KCNK12: variants seen among roughly 807,000 people sequenced by gnomAD.
KCNK12 encodes potassium two pore domain channel subfamily K member 12, also known as potassium channel subfamily K member 12.
KCNK12 carries 6 observed loss-of-function variants against 25.3 expected under a neutral mutation model. That is an observed-to-expected ratio of 0.24 (90% CI 0.13 to 0.47). KCNK12 has a LOEUF of 0.47. Among genes scored for constraint, KCNK12 ranks in the 20% least tolerant of loss-of-function variants. KCNK12 has a pLI of 0.99. For missense variants in KCNK12, 444 were observed against 661.7 expected, an observed-to-expected ratio of 0.67 and a Z score of 3.61; for synonymous variants, 331 against 311.1, an observed-to-expected ratio of 1.06 and a Z score of -0.67.
chr2:47,520,759 G>A lies in KCNK12; in HGVS notation c.*148C>T, dbSNP rs896728426. ...ACCTGCCCTTGATAACATCAGGCCT[G>A]GCCAAATAGTATTTCTTTAAAAAAA... On this transcript the variant is annotated 3_prime_UTR_variant, in exon 2 of 2. Transcript: ENST00000327876. This position sits in a 1 kb window ranked among gnomAD's most constrained non-coding sequence, Gnocchi z 5.0. 5 of 513,710 alleles carry A rather than the reference G, an allele frequency of 9.7e-6. No individual in the cohort carries two copies. The East Asian group carries it at 1.4e-4, about 14-fold the overall frequency. 31.8% of individuals were successfully genotyped at this position (513,710 alleles called of 1,614,324 possible). A position where few individuals can be genotyped will look rare whatever the true frequency, so the allele number is the denominator to read the frequency against.
At position 47,541,614 on chromosome 2, in the gene KCNK12, A is replaced by T. The variant is rs191757042; in HGVS notation, c.392-19806T>A. 5.3e-5 allele frequency among the ~76,000 whole-genome samples: 8 copies of T among 152,300 alleles called. No individual in the cohort carries two copies. The East Asian group carries it at 1.5e-3, about 29-fold the overall frequency. ...CCTCAGAATGTTACTGCATTGGTAG[A>T]AAGGCTTTTTAAAAAAGGGAATCAA... On this transcript the variant is annotated intron_variant, in intron 1 of 1. Transcript: ENST00000327876.
Position 47,514,930 on chromosome 2 carries a change from T to C in KCNK12, c.*5977A>G, listed in dbSNP as rs1442032720. ...CCCAGCTAAAAGTTCCTTTTTAAAATCTGCTTGTTAGATACACTCATAGAA... is the reference window on the plus strand; with the variant it reads ...CCCAGCTAAAAGTTCCTTTTTAAAACCTGCTTGTTAGATACACTCATAGAA... On this transcript the variant is annotated 3_prime_UTR_variant, in exon 2 of 2. Transcript: ENST00000327876. The surrounding 1 kb of genome is among the most constrained non-coding windows in gnomAD (Gnocchi z 5.0). Among the ~76,000 whole-genome samples, 3 of 152,190 alleles carry C rather than the reference T, an allele frequency of 2.0e-5. No homozygotes were observed. Among genetic ancestry groups the C allele is most frequent in the African/African-American group, 7.2e-5 (3 of 41,450 alleles).
At position 47,533,824 on chromosome 2, in the gene KCNK12, CCT is replaced by C. The variant is rs1021118523; in HGVS notation, c.392-12018_392-12017del. Reference sequence around the variant, plus strand: ...ATTTGCAGAGCTGGATGGACTGCTCCCTGAGGACAGAAGCTCTTGGTTTTCTT... The same window carrying C: ...ATTTGCAGAGCTGGATGGACTGCTCCGAGGACAGAAGCTCTTGGTTTTCTT... On this transcript the variant is annotated intron_variant, in intron 1 of 1. Transcript: ENST00000327876. The surrounding 1 kb of genome is among the most constrained non-coding windows in gnomAD (Gnocchi z 4.7). 7.1e-4 allele frequency among the ~76,000 whole-genome samples: 108 copies of C among 152,234 alleles called. No homozygotes were observed. Among genetic ancestry groups the C allele is most frequent in the African/African-American group, 2.5e-3 (105 of 41,528 alleles).
rs552999864 is a variant in KCNK12, at chr2:47,513,847, C to T, written c.*7060G>A. The stretch of plus-strand genomic sequence containing the variant: ...CATTGATTCTGTGGACCTACTCTTT[C>T]GGGTGTCCCTCAAATCTCTCCACGT... On this transcript the variant is annotated 3_prime_UTR_variant, in exon 2 of 2. Transcript: ENST00000327876. 5.9e-5 allele frequency among the ~76,000 whole-genome samples: 9 copies of T among 152,168 alleles called. No individual in the cohort carries two copies. The highest frequency in any genetic ancestry group is 3.9e-4 in the East Asian group (2 of 5,172).
chr2:47,552,969 CT>C (rs1403883776), intron 1 of KCNK12, among the ~76,000 whole-genome samples: 2 of 152,118 alleles, frequency 1.3e-5, no homozygotes, highest in Non-Finnish European at 2.9e-5. Context: ...TCTCTTACCC[CT>C]TTTCTTTTGC....
chr2:47,532,639 T>G (rs1303960461), intron 1 of KCNK12, among the ~76,000 whole-genome samples: 1 of 152,120 alleles, frequency 6.6e-6, no homozygotes, highest in African/African-American at 2.4e-5. Context: ...AGTCAAGGCG[T>G]TCCATCTGGT....
In KCNK12 at chr2:47,512,369, G is replaced by A. The variant is rs1019838095; in HGVS notation, c.*8538C>T. On this transcript the variant is annotated 3_prime_UTR_variant, in exon 2 of 2. Coordinates refer to ENST00000327876, the MANE Select transcript of KCNK12 (RefSeq NM_022055.2). ...GCTGACATGGAAAAGGAAACTTCGT[G>A]GGGGAAAGAGATCTGCTTGCAGTCG... The A allele has an allele frequency of 1.5e-5, 24 of 1,612,038 alleles. No homozygotes were observed. Among genetic ancestry groups the A allele is most frequent in the Non-Finnish European group, 1.8e-5 (21 of 1,179,626 alleles).
rs905150986 is a variant in KCNK12, at chr2:47,533,508, G to C, written c.392-11700C>G. On this transcript the variant is annotated intron_variant, in intron 1 of 1. Transcript: ENST00000327876. The surrounding 1 kb of genome is among the most constrained non-coding windows in gnomAD (Gnocchi z 4.7). ...GCAAGGAATGGGCAAATCACGACATGACATATGGATTTCCATGGCAGGGAA... is the reference window on the plus strand; with the variant it reads ...GCAAGGAATGGGCAAATCACGACATCACATATGGATTTCCATGGCAGGGAA... Among the ~76,000 whole-genome samples the C allele has an allele frequency of 6.6e-6, 1 of 152,198 alleles. No homozygotes were observed. The highest frequency in any genetic ancestry group is 1.5e-5 in the Non-Finnish European group (1 of 68,030).
At chr2:47,530,296 C>T (rs1040490961) in intron 1 of KCNK12, among the ~76,000 whole-genome samples, 2 of 152,112 alleles carry the variant, frequency 1.3e-5, no homozygotes, top group African/African-American at 2.4e-5. Context: ...GGCTTCTGGC[C>T]AGACTCAGTG....
At chr2:47,568,362 T>C (rs1669823667) in intron 1 of KCNK12, among the ~76,000 whole-genome samples, 2 of 151,846 alleles carry the variant, frequency 1.3e-5, no homozygotes, top group Non-Finnish European at 2.9e-5. Context: ...TAAAAGGGGA[T>C]TTTTTTTGAG....
rs1669114264 is a variant in KCNK12, at chr2:47,538,076, T to C, written c.392-16268A>G. 6.6e-6 allele frequency among the ~76,000 whole-genome samples: 1 copy of C among 151,848 alleles called. No homozygotes were observed. The highest frequency in any genetic ancestry group is 1.5e-5 in the Non-Finnish European group (1 of 67,960). On this transcript the variant is annotated intron_variant, in intron 1 of 1. Coordinates refer to ENST00000327876, the MANE Select transcript of KCNK12 (RefSeq NM_022055.2). The surrounding 1 kb of genome is among the most constrained non-coding windows in gnomAD (Gnocchi z 4.5). ...CAGTATCTAAAGGGCAGAAGAGGAG[T>C]CTATGAAGGAGACCACATTCATTCA...
In KCNK12 at chr2:47,521,315, G is replaced by A; in HGVS notation, c.885C>T (p.Phe295=). ...LLGVCCIYSL[F]NVISILIKQV... is the part of the protein sequence containing the mutation. Reference sequence around the variant, plus strand: ...GCTTGATGAGGATGGAGATGACGTTGAAGAGCGAGTAAATGCAGCACACGC... The same window carrying A: ...GCTTGATGAGGATGGAGATGACGTTAAAGAGCGAGTAAATGCAGCACACGC... The change falls in exon 2 of 2, where the codon TTC becomes TTT. Residue 295 remains phenylalanine (F), a synonymous_variant. Coordinates refer to ENST00000327876, the MANE Select transcript of KCNK12 (RefSeq NM_022055.2). 1.2e-6 allele frequency: 2 copies of A among 1,613,444 alleles called. No individual in the cohort carries two copies. Among genetic ancestry groups the A allele is most frequent in the South Asian group, 1.1e-5 (1 of 90,914 alleles).
chr2:47,512,156 C>T lies in KCNK12; in HGVS notation c.*8751G>A. 1.0e-6 allele frequency: 1 copy of T among 966,790 alleles called. No individual in the cohort carries two copies. Among genetic ancestry groups the T allele is most frequent in the South Asian group, 1.8e-5 (1 of 56,734 alleles). The allele number at this position is 966,790 out of a possible 1,614,324, so 59.9% of individuals were successfully genotyped here. On this transcript the variant is annotated 3_prime_UTR_variant, in exon 2 of 2. Transcript: ENST00000327876. ...TCCATCCTGCATCCAGATGGCTGGTCCTGCTCCTCCCAGTCCATGGAGAAA... is the reference window on the plus strand; with the variant it reads ...TCCATCCTGCATCCAGATGGCTGGTTCTGCTCCTCCCAGTCCATGGAGAAA...
In KCNK12 at chr2:47,511,739, C is replaced by T. The variant is rs1336356701; in HGVS notation, c.*9168G>A. Reference sequence around the variant, plus strand: ...TTTACTTCTGCCCCTTAAGGATGCCCTGGAATTCAGGCTTTCGGATCCCAG... The same window carrying T: ...TTTACTTCTGCCCCTTAAGGATGCCTTGGAATTCAGGCTTTCGGATCCCAG... On this transcript the variant is annotated 3_prime_UTR_variant, in exon 2 of 2. Coordinates refer to ENST00000327876, the MANE Select transcript of KCNK12 (RefSeq NM_022055.2). This position sits in a 1 kb window ranked among gnomAD's most constrained non-coding sequence, Gnocchi z 4.3. Among the ~76,000 whole-genome samples, 1 of 152,158 alleles carries T rather than the reference C, an allele frequency of 6.6e-6. No individual in the cohort carries two copies. Among genetic ancestry groups the T allele is most frequent in the Non-Finnish European group, 1.5e-5 (1 of 68,032 alleles).
At chr2:47,552,225 C>CTT (rs1669450794) in intron 1 of KCNK12, among the ~76,000 whole-genome samples, 1 of 152,164 alleles carries the variant, frequency 6.6e-6, no homozygotes. Flanking sequence ...TGCCACACAC[C>CTT]AACCTCTGCT....
intron 1 of KCNK12, among the ~76,000 whole-genome samples, chr2:47,568,607 CCT>C (rs202142357): frequency 0.016 from 2,435 of 152,250 alleles, 36 homozygotes; most frequent in African/African-American, 0.04. Context: ...ATGGAGGCAG[CCT>C]CTCTCCCTGC....
rs991642564 is a variant in KCNK12, at chr2:47,517,096, T to G, written c.*3811A>C. ...GGACTCAGATGCCCTAGGCTGGCTG[T>G]CTGGCTGTGCTTTCCAGACAGTGTG... On this transcript the variant is annotated 3_prime_UTR_variant, in exon 2 of 2. Coordinates refer to ENST00000327876, the MANE Select transcript of KCNK12 (RefSeq NM_022055.2). The surrounding 1 kb of genome is among the most constrained non-coding windows in gnomAD (Gnocchi z 4.1). 11 of 152,280 alleles carry G rather than the reference T, an allele frequency of 7.2e-5. No homozygotes were observed. The highest frequency in any genetic ancestry group is 2.1e-4 in the South Asian group (1 of 4,840). 9.4% of individuals were successfully genotyped at this position (152,280 alleles called of 1,614,324 possible).
chr2:47,568,908 C>T (rs914856056), intron 1 of KCNK12, among the ~76,000 whole-genome samples: 14 of 152,156 alleles, frequency 9.2e-5, no homozygotes, highest in Non-Finnish European at 1.3e-4. Context: ...GCACTCTATA[C>T]AGGTGAGTAA....
In KCNK12 at chr2:47,528,564, G is replaced by A. The variant is rs1668843975; in HGVS notation, c.392-6756C>T. Among the ~76,000 whole-genome samples the A allele has an allele frequency of 6.6e-6, 1 of 152,196 alleles. No individual in the cohort carries two copies. On this transcript the variant is annotated intron_variant, in intron 1 of 1. Transcript: ENST00000327876. The surrounding 1 kb of genome is among the most constrained non-coding windows in gnomAD (Gnocchi z 4.5). ...CCTCAAAGCTTCAGCCAGAGAAAAG[G>A]CAAACCCAGCCACCCTGAGAATCTC...
Sources: allele counts gnomAD v4.1 joint callset (sites outside exome capture counted in the v4.1 genomes callset), GRCh38; gene constraint gnomAD v4.1.1; non-coding constraint Gnocchi (gnomAD v3.1); transcripts MANE v1.5; gene names NCBI Gene and HGNC (gene_info 2026-07-23, HGNC 2026-07-21).